SORCS3: variants seen among roughly 807,000 people sequenced by gnomAD.
SORCS3 encodes the protein sortilin related VPS10 domain containing receptor 3.
A neutral mutation model predicts 146.3 loss-of-function variants in SORCS3; 57 were observed. The observed-to-expected ratio is 0.39, with a 90% confidence interval of 0.31 to 0.49. The LOEUF is 0.49. Ranked by LOEUF, SORCS3 falls within the 20% of genes least tolerant of loss-of-function variation. The probability of loss-of-function intolerance (pLI) is 0.92; values close to 1 mark genes in which losing one functional copy is unlikely to be tolerated. For missense variants in SORCS3, 1,341 were observed against 1,575.5 expected (o/e 0.85, Z 2.52); for synonymous variants, 653 against 618.5 (o/e 1.06, Z -0.83).
intron 4 of SORCS3, among the ~76,000 whole-genome samples, chr10:105,007,287 T>C (rs552012496): frequency 1.2e-4 from 19 of 152,266 alleles, no homozygotes; most frequent in African/African-American, 4.3e-4. Flanking sequence ...ATTTCTGCTC[T>C]CAAGGATCTT....
chr10:105,185,212 C>G (rs560714716), intron 14 of SORCS3, among the ~76,000 whole-genome samples: 1 of 152,288 alleles, frequency 6.6e-6, no homozygotes, highest in South Asian at 2.1e-4. Context: ...TAAGTCTCAC[C>G]TCTTTCAGGA....
intron 1 of SORCS3, among the ~76,000 whole-genome samples, chr10:104,667,182 G>T (rs567206236): frequency 2.6e-5 from 4 of 152,302 alleles, no homozygotes; most frequent in African/African-American, 7.2e-5. Context: ...TTGGGACAAG[G>T]CTCTGAACCT....
At chr10:105,087,423 T>C (rs1405555885) in intron 5 of SORCS3, among the ~76,000 whole-genome samples, 1 of 150,072 alleles carries the variant, frequency 6.7e-6, no homozygotes, top group East Asian at 2.0e-4. Context: ...ATTCTAAAAA[T>C]ATTACAGTGG....
At chr10:104,771,974 T>C (rs1448521075) in intron 1 of SORCS3, among the ~76,000 whole-genome samples, 1 of 152,162 alleles carries the variant, frequency 6.6e-6, no homozygotes, top group East Asian at 1.9e-4. Flanking sequence ...TTTTTGGGGA[T>C]GCTTAGATTC....
intron 2 of SORCS3, among the ~76,000 whole-genome samples, chr10:104,873,807 CAG>C (rs1386361853): frequency 6.6e-6 from 1 of 152,140 alleles, no homozygotes; most frequent in Non-Finnish European, 1.5e-5. Flanking sequence ...TAAAGGAAAA[CAG>C]AATTTCTCAA....
chr10:105,078,693 G>A (rs974497687), intron 5 of SORCS3, among the ~76,000 whole-genome samples: 2 of 152,144 alleles, frequency 1.3e-5, no homozygotes, highest in Admixed American at 1.3e-4. Context: ...GTGTTAACAT[G>A]TGCCTCTCTT....
At chr10:104,733,960 T>C (rs192742224) in intron 1 of SORCS3, among the ~76,000 whole-genome samples, 72 of 152,262 alleles carry the variant, frequency 4.7e-4, no homozygotes, top group Admixed American at 2.4e-3. Flanking sequence ...TCATAAGCTT[T>C]ATAAGGGTCC....
chr10:105,118,823 G>A (rs1258335165), intron 7 of SORCS3, among the ~76,000 whole-genome samples: 1 of 152,126 alleles, frequency 6.6e-6, no homozygotes, highest in African/African-American at 2.4e-5. Flanking sequence ...GTATCTGGTG[G>A]AAGGAACTTC....
At chr10:104,942,484 G>A (rs538831949) in intron 3 of SORCS3, among the ~76,000 whole-genome samples, 93 of 152,282 alleles carry the variant, frequency 6.1e-4, no homozygotes, top group African/African-American at 2.2e-3. Flanking sequence ...ACTTGAGAAT[G>A]ACATTATAAG....
At chr10:105,241,409 G>A (rs912183168) in intron 20 of SORCS3, among the ~76,000 whole-genome samples, 2 of 152,206 alleles carry the variant, frequency 1.3e-5, no homozygotes, top group South Asian at 2.1e-4. Flanking sequence ...AGCCCCAGAG[G>A]GGGTGTTAGA....
At chr10:104,694,191 A>G (rs551849922) in intron 1 of SORCS3, among the ~76,000 whole-genome samples, 5 of 151,340 alleles carry the variant, frequency 3.3e-5, no homozygotes, top group African/African-American at 1.2e-4. Context: ...GCAGAGGGAC[A>G]TGCTTACCAA....
In SORCS3 at chr10:105,255,764, G is replaced by T. The variant is rs748344619; in HGVS notation, c.3300G>T (p.Gly1100=). 6.2e-7 allele frequency: 1 copy of T among 1,613,836 alleles called. No homozygotes were observed. The highest frequency in any genetic ancestry group is 8.5e-7 in the Non-Finnish European group (1 of 1,179,904). Residue 1100 remains glycine, a synonymous_variant, in exon 24 of 27, where the codon GGG becomes GGT. Transcript: ENST00000369701. ...QNLVQFELKP[G]VQVIVYVTQL... ...TGGTCCAGTTTGAGCTGAAGCCGGG[G>T]GTACAAGTCATTGTGTATGTCACAC...
chr10:105,223,204 A>G lies in SORCS3; in HGVS notation c.2823A>G (p.Gln941=), dbSNP rs967571458. 27 of 1,613,244 alleles carry G rather than the reference A, an allele frequency of 1.7e-5. No individual in the cohort carries two copies. The highest frequency in any genetic ancestry group is 2.0e-5 in the Non-Finnish European group (24 of 1,179,480). The change falls in exon 20 of 27, where the codon CAA becomes CAG. Residue 941 remains glutamine (Q), a synonymous_variant. Transcript: ENST00000369701. The part of the protein sequence containing the change: ...VNISAVVWPS[Q]LGTLTYFWWF... ...TCAGTGCAGTCGTGTGGCCCAGTCA[A>G]CTGGGGACCCTTACCTATTTCTGGT...
chr10:104,952,173 T>G (rs2019438104), intron 3 of SORCS3, among the ~76,000 whole-genome samples: 1 of 146,074 alleles, frequency 6.8e-6, no homozygotes, highest in South Asian at 2.2e-4. Flanking sequence ...CCTTCTAGAT[T>G]TCCTAAATTG....
At chr10:104,966,797 A>G (rs1349744071) in intron 3 of SORCS3, among the ~76,000 whole-genome samples, 2 of 152,156 alleles carry the variant, frequency 1.3e-5, no homozygotes, top group Non-Finnish European at 2.9e-5. Flanking sequence ...GTTTAGACAT[A>G]GATAAGCTGA....
chr10:104,698,666 G>T (rs964209463), intron 1 of SORCS3, among the ~76,000 whole-genome samples: 2 of 152,120 alleles, frequency 1.3e-5, no homozygotes, highest in African/African-American at 4.8e-5. Flanking sequence ...TGAACAAATG[G>T]CTATCCTGTG....
intron 3 of SORCS3, among the ~76,000 whole-genome samples, chr10:104,973,009 G>A (rs992396647): frequency 1.1e-3 from 160 of 152,016 alleles, no homozygotes; most frequent in Non-Finnish European, 1.4e-3. Context: ...ATTGATTTGC[G>A]TATATTGAAC....
chr10:105,252,753 CTT>C lies in SORCS3; in HGVS notation c.3106-20_3106-19del. 1 of 1,613,732 alleles carries C rather than the reference CTT, an allele frequency of 6.2e-7. No homozygotes were observed. The highest frequency in any genetic ancestry group is 1.1e-5 in the South Asian group (1 of 90,986). The stretch of plus-strand genomic sequence containing the variant: ...GAGGGCTGGCTCCTCCACAGCCTCT[CTT>C]TGTCTGAACATCTTTGCAGGTAACC... On this transcript the variant is annotated intron_variant, in intron 22 of 26. Coordinates refer to ENST00000369701, the MANE Select transcript of SORCS3 (RefSeq NM_014978.3).
At chr10:105,058,880 C>T (rs1347931702) in intron 5 of SORCS3, among the ~76,000 whole-genome samples, 1 of 152,110 alleles carries the variant, frequency 6.6e-6, no homozygotes, top group Non-Finnish European at 1.5e-5. Flanking sequence ...ATATATTGTA[C>T]TTGGGTGAGG....
Sources: gnomAD v4.1 joint callset for allele counts (sites outside exome capture counted in the v4.1 genomes callset) on GRCh38, gnomAD v4.1.1 for gene constraint, MANE v1.5 for transcripts, NCBI Gene and HGNC (gene_info 2026-07-23, HGNC 2026-07-21) for gene names.